Variants in SCAF11 observed in about 807,000 individuals in gnomAD.
SCAF11 encodes the protein SR-related CTD associated factor 11.
Under a neutral mutation model 140.5 loss-of-function variants are expected in SCAF11, and 47 were observed. The observed-to-expected ratio is 0.33, with a 90% CI of 0.26 to 0.43. The LOEUF (loss-of-function observed/expected upper bound fraction) is 0.43, where lower values mean the gene tolerates loss of function less well. Ranked by LOEUF, SCAF11 falls within the 20% of genes least tolerant of loss-of-function variation. The pLI is 1.00. For synonymous variants in SCAF11, 557 were observed against 579.4 expected (o/e 0.96, Z 0.55); for missense variants, 1,645 against 1,705.1 (o/e 0.96, Z 0.62).
chr12:45,948,815 A>T (rs1005903475), intron 4 of SCAF11, among the ~76,000 whole-genome samples: 2 of 152,180 alleles, frequency 1.3e-5, no homozygotes, highest in African/African-American at 4.8e-5. Context: ...GGACTCAGAA[A>T]TTAACTGAGG....
Position 45,920,417 on chromosome 12 carries a change from T to A in SCAF11, c.*1631A>T, listed in dbSNP as rs1473778919. On this transcript the variant is annotated 3_prime_UTR_variant, in exon 15 of 15. Transcript: ENST00000369367. Reference sequence around the variant, plus strand: ...GGTCAGTTTATCTCACTGAGGCATGTATCTCCTTGGATCTATTAACTTATC... The same window carrying A: ...GGTCAGTTTATCTCACTGAGGCATGAATCTCCTTGGATCTATTAACTTATC... 1.3e-5 allele frequency: 2 copies of A among 152,320 alleles called. No individual in the cohort carries two copies. The highest frequency in any genetic ancestry group is 2.9e-5 in the Non-Finnish European group (2 of 68,026). 9.4% of individuals were successfully genotyped at this position (152,320 alleles called of 1,614,324 possible). A position where few individuals can be genotyped will look rare whatever the true frequency, so the allele number is the denominator to read the frequency against.
intron 1 of SCAF11, chr12:45,974,967 G>A (rs1946200433): frequency 6.6e-6 from 1 of 152,252 alleles, no homozygotes; most frequent in Non-Finnish European, 1.5e-5. Flanking sequence ...AAAAATGGAT[G>A]TTGTGTTAGC....
intron 1 of SCAF11, among the ~76,000 whole-genome samples, chr12:45,972,991 TAG>T (rs1341728691): frequency 1.4e-5 from 2 of 141,004 alleles, no homozygotes; most frequent in African/African-American, 2.7e-5. Context: ...TATATAGATA[TAG>T]ATATATAGAT....
Position 45,952,658 on chromosome 12 carries a change from A to T in SCAF11, c.220-931T>A, listed in dbSNP as rs367797182. Among the ~76,000 whole-genome samples the T allele has an allele frequency of 2.3e-3, 348 of 152,298 alleles. 12 individuals carry two copies. In the South Asian group the frequency reaches 0.068, roughly 30 times the overall value. On this transcript the variant is annotated intron_variant, in intron 3 of 14. Transcript: ENST00000369367. ...TCAACTCTAAGAGTTTCTCTGATAA[A>T]ACTACTAAATATTTGTGTAAGAATG...
chr12:45,945,117 A>G (rs1440232980), intron 6 of SCAF11, 132 bp downstream of exon 6: 1 of 656,246 alleles, frequency 1.5e-6, no homozygotes, highest in Non-Finnish European at 2.7e-6. Context: ...TTTATGTAGG[A>G]TTTAACACAA....
Position 45,926,927 on chromosome 12 carries a change from C to G in SCAF11, c.2774G>C (p.Arg925Thr). Residue 925 changes from arginine (R) to threonine (T), a missense_variant, in exon 11 of 15, where the codon AGA becomes ACA. Coordinates refer to ENST00000369367, the MANE Select transcript of SCAF11 (RefSeq NM_004719.3). ...ESDRDGQRRE[R>T]ERRTRKWSRS... Reference sequence around the variant, plus strand: ...AGACCACTTTCTGGTTCTCCTTTCTCTCTCTCTCCTCTGCCCATCTCTATC... The same window carrying G: ...AGACCACTTTCTGGTTCTCCTTTCTGTCTCTCTCCTCTGCCCATCTCTATC... 1 of 1,612,790 alleles carries G rather than the reference C, an allele frequency of 6.2e-7. No homozygotes were observed. Among genetic ancestry groups the G allele is most frequent in the Non-Finnish European group, 8.5e-7 (1 of 1,180,008 alleles).
At chr12:45,985,143 T>C (rs532455793) in intron 1 of SCAF11, among the ~76,000 whole-genome samples, 1 of 152,242 alleles carries the variant, frequency 6.6e-6, no homozygotes, top group Non-Finnish European at 1.5e-5. Context: ...ATTATTTCAA[T>C]GTCTATGTGT....
chr12:45,953,011 G>A (rs1029703143), intron 3 of SCAF11, among the ~76,000 whole-genome samples: 2 of 152,176 alleles, frequency 1.3e-5, no homozygotes, highest in Admixed American at 1.3e-4. Context: ...AGTCACTTTG[G>A]GAGCAGCCAA....
intron 1 of SCAF11, among the ~76,000 whole-genome samples, chr12:45,972,635 C>T (rs1207662359): frequency 1.7e-5 from 2 of 119,240 alleles, no homozygotes; most frequent in African/African-American, 6.2e-5. Flanking sequence ...AAAACATCAA[C>T]ATTTTCCATA....
Position 45,934,495 on chromosome 12 carries a change from T to G in SCAF11, c.474A>C (p.Leu158Phe). The change falls in exon 7 of 15, where the codon TTA becomes TTC. Residue 158 changes from leucine to phenylalanine, a missense_variant. Physicochemically the swap from Leu to Phe is conservative, Grantham distance 22. Transcript: ENST00000369367. ...CDLKWIHRNS[L>F]YSETGGKKNA... ...TTTTCTTTCCTCCTGTTTCACTGTA[T>G]AAAGAGTTTCCTGTACAAAGACATA... The G allele has an allele frequency of 1.9e-6, 3 of 1,588,046 alleles. No homozygotes were observed. Among genetic ancestry groups the G allele is most frequent in the African/African-American group, 1.4e-5 (1 of 73,536 alleles).
chr12:45,927,600 G>A lies in SCAF11; in HGVS notation c.2101C>T (p.His701Tyr). 6.2e-7 allele frequency: 1 copy of A among 1,612,390 alleles called. No homozygotes were observed. Among genetic ancestry groups the A allele is most frequent in the Non-Finnish European group, 8.5e-7 (1 of 1,179,808 alleles). Residue 701 changes from histidine (H) to tyrosine (Y), a missense_variant, in exon 11 of 15, where the codon CAC (histidine) becomes TAC (tyrosine). Physicochemically the swap from His to Tyr is moderately conservative, Grantham distance 83 (BLOSUM62 2). Transcript: ENST00000369367. The part of the protein sequence containing the change: ...HPRSTELPKT[H>Y]IEQIQKHFSE... ...AAATGCTTCTGAATCTGTTCAATGT[G>A]TGTTTTAGGCAACTCTGTAGATCTA...
chr12:45,970,210 T>G (rs978348015), intron 1 of SCAF11, among the ~76,000 whole-genome samples: 1 of 152,152 alleles, frequency 6.6e-6, no homozygotes, highest in African/African-American at 2.4e-5. Flanking sequence ...AATTTTTTTA[T>G]TTGTAGAGAT....
chr12:45,968,817 G>C (rs536241429), intron 1 of SCAF11, among the ~76,000 whole-genome samples: 1 of 152,082 alleles, frequency 6.6e-6, no homozygotes, highest in Admixed American at 6.5e-5. Context: ...TGTAATCCCA[G>C]CTACAGGCTG....
Position 45,922,529 on chromosome 12 carries a change from T to A in SCAF11, c.4179A>T (p.Pro1393=). 1.3e-6 allele frequency: 2 copies of A among 1,599,574 alleles called. No individual in the cohort carries two copies. The highest frequency in any genetic ancestry group is 1.7e-6 in the Non-Finnish European group (2 of 1,177,254). ...AAQEVKLAIK[P]FYQNKDITKE... The stretch of plus-strand genomic sequence containing the variant: ...TGGTGATATCTTTATTTTGGTAAAA[T>A]GGCTTGATGGCCAATTTTACCTCTT... Residue 1393 remains proline (P), a synonymous_variant, in exon 14 of 15, where the codon CCA becomes CCT. Transcript: ENST00000369367.
chr12:45,957,125 A>G (rs187781034), intron 3 of SCAF11, among the ~76,000 whole-genome samples: 55 of 152,276 alleles, frequency 3.6e-4, no homozygotes, highest in African/African-American at 1.3e-3. Flanking sequence ...ATAAATTATA[A>G]ATGACTAATG....
At chr12:45,922,348 G>C (rs548594176) in intron 14 of SCAF11, 115 bp downstream of exon 14, 14 of 1,481,548 alleles carry the variant, frequency 9.4e-6, no homozygotes, top group Non-Finnish European at 1.3e-5. Flanking sequence ...CAAAAAAGTA[G>C]ACAGGAATTA....
At chr12:45,964,301 G>T (rs571078945) in intron 1 of SCAF11, 113 bp from the exon 2 acceptor site, 3 of 595,828 alleles carry the variant, frequency 5.0e-6, no homozygotes, top group Non-Finnish European at 8.7e-6. Flanking sequence ...AACACAGTAC[G>T]AGCCAAGCCA....
At chr12:45,948,406 T>C in intron 5 of SCAF11, 31 bp downstream of exon 5, 3 of 1,425,746 alleles carry the variant, frequency 2.1e-6, no homozygotes, top group African/African-American at 1.4e-5. Flanking sequence ...TTCCACTCAT[T>C]TGCATTCCAC....
rs558029300 is a variant in SCAF11 at position 45,959,360 on chromosome 12, G to C, written c.219+2340C>G. Among the ~76,000 whole-genome samples the C allele has an allele frequency of 1.4e-3, 214 of 152,076 alleles. 1 individual carries two copies. The highest frequency in any genetic ancestry group is 5.1e-3 in the African/African-American group (211 of 41,472). On this transcript the variant is annotated intron_variant, in intron 3 of 14. Transcript: ENST00000369367. ...TTTTAACGTCAGGCTATCCCTTGAC[G>C]TACTTAAAAATCGTAAGTTTAGAAT...
Sources: gnomAD v4.1 joint callset for allele counts (sites outside exome capture counted in the v4.1 genomes callset) on GRCh38, gnomAD v4.1.1 for gene constraint, MANE v1.5 for transcripts, NCBI Gene and HGNC (gene_info 2026-07-23, HGNC 2026-07-21) for gene names.